The following PARVA variants were observed in gnomAD, a reference collection of about 807,000 sequenced individuals.
PARVA encodes the protein parvin alpha.
PARVA carries 25 observed loss-of-function variants against 52.6 expected under a neutral mutation model. That is an observed-to-expected ratio of 0.48 (90% confidence interval 0.35 to 0.66). The LOEUF (loss-of-function observed/expected upper bound fraction) is 0.66. PARVA is among the 30% of genes least tolerant of loss of function. The probability of loss-of-function intolerance (pLI) is 0.01; values close to 1 mark genes in which losing one functional copy is unlikely to be tolerated. For synonymous variants in PARVA, 185 were observed against 179.1 expected (o/e 1.03, Z -0.26); for missense variants, 373 against 450.9 (o/e 0.83, Z 1.56).
chr11:12,452,918 T>C (rs777223793), intron 1 of PARVA: 9 of 437,652 alleles, frequency 2.1e-5, no homozygotes, highest in Non-Finnish European at 4.2e-5. Flanking sequence ...AGACCTCCAG[T>C]TGGTCTGAAA....
Position 12,377,750 on chromosome 11 carries a change from G to A in PARVA, c.103G>A (p.Gly35Arg). 6.5e-7 allele frequency: 1 copy of A among 1,545,024 alleles called. No individual in the cohort carries two copies. The highest frequency in any genetic ancestry group is 8.7e-7 in the Non-Finnish European group (1 of 1,151,022). Residue 35 changes from glycine to arginine, a missense_variant, in exon 1 of 13, where the codon GGG becomes AGG. Physicochemically the swap from Gly to Arg is moderately radical, Grantham distance 125. Transcript: ENST00000334956. ...KDDSFLGKLG[G>R]TLARRKKAKE... ...TGATTCCTTCTTGGGGAAACTCGGA[G>A]GGACCCTGGCCCGGAGGAAGAAAGC... is the stretch of plus-strand genomic sequence containing the variant.
rs555486254 is a variant in PARVA at position 12,434,232 on chromosome 11, T to C, written c.137-39513T>C. Among the ~76,000 whole-genome samples the C allele has an allele frequency of 2.0e-3, 302 of 152,280 alleles. 1 individual carries two copies. Among genetic ancestry groups the C allele is most frequent in the Middle Eastern group, 3.4e-3 (1 of 294 alleles). ...AAGGCAGTGGGGGGCAAGGCCCACA[T>C]ACTGACACCGAGGAGTTTTGCAGCC... On this transcript the variant is annotated intron_variant, in intron 1 of 12. Transcript: ENST00000334956.
intron 10 of PARVA, among the ~76,000 whole-genome samples, chr11:12,516,102 G>A (rs111991088): frequency 3.3e-5 from 5 of 152,316 alleles, no homozygotes; most frequent in South Asian, 4.1e-4. Context: ...GCCTCCCAAA[G>A]TGCTGCGATT....
chr11:12,476,624 A>C (rs890468609), intron 3 of PARVA, among the ~76,000 whole-genome samples: 17 of 151,394 alleles, frequency 1.1e-4, no homozygotes, highest in African/African-American at 4.1e-4. Flanking sequence ...TGTCCTCCCC[A>C]CCCCAGGATT....
At chr11:12,499,777 T>A (rs1461654328) in intron 5 of PARVA, among the ~76,000 whole-genome samples, 1 of 152,176 alleles carries the variant, frequency 6.6e-6, no homozygotes, top group Non-Finnish European at 1.5e-5. Context: ...TGTGTGTGTC[T>A]GTACGTGTGT....
chr11:12,524,159 T>G (rs1028780526), intron 12 of PARVA, among the ~76,000 whole-genome samples: 2 of 152,230 alleles, frequency 1.3e-5, no homozygotes, highest in African/African-American at 4.8e-5. Flanking sequence ...GTGCACAGAC[T>G]GCACGGCTAT....
rs887551739 is a variant in PARVA at position 12,529,003 on chromosome 11, C to A, written c.*1078C>A. 1 of 152,608 alleles carries A rather than the reference C, an allele frequency of 6.6e-6. No individual in the cohort carries two copies. 9.5% of individuals were successfully genotyped at this position (152,608 alleles called of 1,614,324 possible). A position where few individuals can be genotyped will look rare whatever the true frequency, so the allele number is the denominator to read the frequency against. ...GCAAATGTACAATATGCTCAGGCACCGCAGAGAGCTGGGCACGGGCCCATG... is the reference window on the plus strand; with the variant it reads ...GCAAATGTACAATATGCTCAGGCACAGCAGAGAGCTGGGCACGGGCCCATG... On this transcript the variant is annotated 3_prime_UTR_variant, in exon 13 of 13. Coordinates refer to ENST00000334956, the MANE Select transcript of PARVA (RefSeq NM_018222.5).
intron 6 of PARVA, among the ~76,000 whole-genome samples, chr11:12,505,347 C>T (rs1244826272): frequency 6.6e-6 from 1 of 152,192 alleles, no homozygotes; most frequent in Admixed American, 6.5e-5. Flanking sequence ...AGACTTTGCC[C>T]TGTCAGACCA....
chr11:12,391,521 G>A (rs1055778380), intron 1 of PARVA, among the ~76,000 whole-genome samples: 1 of 152,210 alleles, frequency 6.6e-6, no homozygotes. Context: ...ACCCCTGCTT[G>A]TATCTCTGGG....
At chr11:12,433,995 A>G (rs767833709) in intron 1 of PARVA, among the ~76,000 whole-genome samples, 2 of 152,152 alleles carry the variant, frequency 1.3e-5, no homozygotes, top group Non-Finnish European at 2.9e-5. Context: ...CCCACAGATA[A>G]AAATAAGGAG....
chr11:12,502,872 C>T (rs1941380938), intron 5 of PARVA, among the ~76,000 whole-genome samples: 1 of 151,866 alleles, frequency 6.6e-6, no homozygotes, highest in African/African-American at 2.4e-5. Flanking sequence ...GGTTCTGTTA[C>T]CTCCATTTGT....
At chr11:12,424,409 T>C (rs1206861377) in intron 1 of PARVA, among the ~76,000 whole-genome samples, 1 of 152,264 alleles carries the variant, frequency 6.6e-6, no homozygotes, top group Non-Finnish European at 1.5e-5. Context: ...GAACATCTTA[T>C]GCTTCTACCT....
intron 12 of PARVA, among the ~76,000 whole-genome samples, chr11:12,519,581 T>G (rs1304091892): frequency 6.6e-6 from 1 of 152,134 alleles, no homozygotes; most frequent in Non-Finnish European, 1.5e-5. Context: ...AGGAACAGTT[T>G]GATGGAGACA....
intron 1 of PARVA, among the ~76,000 whole-genome samples, chr11:12,453,671 C>A (rs113352335): frequency 6.6e-6 from 1 of 152,270 alleles, no homozygotes; most frequent in African/African-American, 2.4e-5. Flanking sequence ...TCGGCTTCCA[C>A]CCATAGGTTA....
intron 12 of PARVA, among the ~76,000 whole-genome samples, chr11:12,524,065 C>T (rs768561343): frequency 1.3e-5 from 2 of 152,122 alleles, no homozygotes; most frequent in African/African-American, 4.8e-5. Flanking sequence ...CATCTGTTGG[C>T]GTTAGTGGTG....
chr11:12,453,076 G>A (rs530579512), intron 1 of PARVA: 140 of 454,012 alleles, frequency 3.1e-4, no homozygotes, highest in Admixed American at 4.5e-4. Context: ...TGGTGGGAGC[G>A]ATTCTTTGTT....
At chr11:12,509,337 C>A (rs949004979) in intron 7 of PARVA, among the ~76,000 whole-genome samples, 11 of 152,180 alleles carry the variant, frequency 7.2e-5, no homozygotes, top group Non-Finnish European at 1.3e-4. Flanking sequence ...GCTAAGCCAA[C>A]CCAACTTGAG....
intron 1 of PARVA, among the ~76,000 whole-genome samples, chr11:12,448,870 A>C (rs1940583385): frequency 6.6e-6 from 1 of 152,202 alleles, no homozygotes; most frequent in Non-Finnish European, 1.5e-5. Context: ...ATGTTCTCCA[A>C]GTTCTTCAGG....
intron 1 of PARVA, among the ~76,000 whole-genome samples, chr11:12,387,713 C>T (rs973032697): frequency 1.5e-5 from 2 of 130,980 alleles, no homozygotes; most frequent in South Asian, 5.2e-4. Context: ...ACTGATTTCC[C>T]AGTGGCAGCA....
Sources: allele counts gnomAD v4.1 joint callset (sites outside exome capture counted in the v4.1 genomes callset), GRCh38; gene constraint gnomAD v4.1.1; transcripts MANE v1.5; gene names NCBI Gene and HGNC (gene_info 2026-07-23, HGNC 2026-07-21).